PROM1: variants seen among roughly 807,000 people sequenced by gnomAD.
The protein encoded by PROM1 is prominin 1.
A neutral mutation model predicts 116.9 loss-of-function variants in PROM1; 105 were observed. The observed-to-expected ratio is 0.90, with a 90% CI of 0.77 to 1.06. The LOEUF (loss-of-function observed/expected upper bound fraction) is 1.06, where lower values mean the gene tolerates loss of function less well. Among genes scored for constraint, PROM1 ranks in the 50% least tolerant of loss-of-function variants. The pLI is 0.00. For synonymous variants in PROM1, 393 were observed against 387.0 expected (o/e 1.02, Z -0.18); for missense variants, 1,122 against 1,045.2 (o/e 1.07, Z -1.01).
intron 2 of PROM1, among the ~76,000 whole-genome samples, chr4:16,073,423 G>T (rs1743246550): frequency 6.6e-6 from 1 of 152,050 alleles, no homozygotes; most frequent in African/African-American, 2.4e-5. Context: ...GCCCCAAATG[G>T]AAAAATCATG....
rs1560384790 is a variant in PROM1 at position 15,978,998 on chromosome 4, GGAAGGAAGGAAA to G, written c.2582+385_2582+396del. 8.8e-3 allele frequency among the ~76,000 whole-genome samples: 1,234 copies of G among 140,526 alleles called. 18 individuals are homozygous for G. The highest frequency in any genetic ancestry group is 0.031 in the African/African-American group (1,121 of 36,322). The allele number at this position is 140,526 out of a possible 152,430, so 92.2% of individuals were successfully genotyped here. On this transcript the variant is annotated intron_variant, in intron 26 of 27. Transcript: ENST00000447510. ...TTATTGGAAGGAAGGAAAAAAGGAA[GGAAGGAAGGAAA>G]GAAGGAAGGAAGGAAGGAAGGAAAG...
chr4:16,074,546 T>C (rs537382434), intron 2 of PROM1, among the ~76,000 whole-genome samples: 1 of 152,146 alleles, frequency 6.6e-6, no homozygotes, highest in Non-Finnish European at 1.5e-5. Flanking sequence ...AACAGCAACA[T>C]AAACAGTAAG....
chr4:16,053,245 G>C (rs995166199), intron 2 of PROM1, among the ~76,000 whole-genome samples: 4 of 152,184 alleles, frequency 2.6e-5, no homozygotes, highest in Non-Finnish European at 4.4e-5. Context: ...ATGTTTTTCA[G>C]GTTTGAGGTT....
At chr4:16,054,051 G>A (rs572987702) in intron 2 of PROM1, among the ~76,000 whole-genome samples, 1 of 152,318 alleles carries the variant, frequency 6.6e-6, no homozygotes, top group Non-Finnish European at 1.5e-5. Flanking sequence ...CCAGGATTGT[G>A]CCACTGCACT....
intron 2 of PROM1, among the ~76,000 whole-genome samples, chr4:16,057,126 GCTCTTTAAAGAAA>G (rs1371757098): frequency 6.6e-6 from 1 of 152,190 alleles, no homozygotes; most frequent in African/African-American, 2.4e-5. Flanking sequence ...ATTTGGAATG[GCTCTTTAAAGAAA>G]CACAATTCCT....
intron 27 of PROM1, among the ~76,000 whole-genome samples, chr4:15,969,890 A>G (rs1239941750): frequency 3.3e-5 from 5 of 152,070 alleles, no homozygotes; most frequent in Non-Finnish European, 7.4e-5. Flanking sequence ...AAAAATTTTA[A>G]GTCCATAATA....
At chr4:15,984,901 G>C (rs374283790) in intron 22 of PROM1, among the ~76,000 whole-genome samples, 3 of 152,234 alleles carry the variant, frequency 2.0e-5, no homozygotes, top group East Asian at 1.9e-4. Flanking sequence ...CTCCACCCCC[G>C]GCCTGTGGAA....
intron 13 of PROM1, among the ~76,000 whole-genome samples, chr4:16,003,905 A>G (rs1724528075): frequency 6.6e-6 from 1 of 152,202 alleles, no homozygotes; most frequent in South Asian, 2.1e-4. Flanking sequence ...TTGGGAGGTA[A>G]GAATTCCTGC....
At chr4:16,022,123 A>AAGGGAAGG (rs1730062449) in intron 8 of PROM1, among the ~76,000 whole-genome samples, 2 of 147,262 alleles carry the variant, frequency 1.4e-5, no homozygotes, top group Admixed American at 6.7e-5. Flanking sequence ...AGGAGGGAAG[A>AAGGGAAGG]AGGGAAGGAG....
rs1717530316 is a variant in PROM1, at chr4:15,980,458, T to C, written c.2453A>G (p.Tyr818Cys). The C allele has an allele frequency of 1.3e-6, 2 of 1,556,286 alleles. No individual in the cohort carries two copies. The highest frequency in any genetic ancestry group is 1.7e-6 in the Non-Finnish European group (2 of 1,148,790). ...GTCCTCCGAATCCATTCGACGATAG[T>C]ACTTAGCCAGTTTTACCGCAAAAAT... ...ALIFAVKLAKYYRRMDSEDVY... is the reference protein window; with the variant it reads ...ALIFAVKLAKCYRRMDSEDVY... The change falls in exon 24 of 28, where the codon TAC (tyrosine) becomes TGC (cysteine). Residue 818 changes from tyrosine to cysteine, a missense_variant. Physicochemically the swap from Tyr to Cys is radical, Grantham distance 194 (BLOSUM62 -2). Transcript: ENST00000447510.
At position 16,075,783 on chromosome 4, in the gene PROM1, C is replaced by T. The variant is rs762631402; in HGVS notation, c.124G>A (p.Glu42Lys). 30 of 1,613,690 alleles carry T rather than the reference C, an allele frequency of 1.9e-5. No homozygotes were observed. The East Asian group carries it at 4.2e-4, about 23-fold the overall frequency. The change falls in exon 2 of 28, where the codon GAG becomes AAG. Residue 42 changes from glutamate (E) to lysine (K), a missense_variant. Coordinates refer to ENST00000447510, the MANE Select transcript of PROM1 (RefSeq NM_006017.3). ...CCAGCTTTATGGGAGTCTTGGGTCT[C>T]ATAATTTGTTGCAGGCAATTCATAA... ...WNYELPATNY[E>K]TQDSHKAGPI...
chr4:15,978,722 G>C (rs1716895490), intron 26 of PROM1, among the ~76,000 whole-genome samples: 1 of 152,210 alleles, frequency 6.6e-6, no homozygotes, highest in South Asian at 2.1e-4. Flanking sequence ...GAAGAGGACA[G>C]CCCACTGCTG....
At chr4:15,993,168 C>T (rs1319900927) in intron 16 of PROM1, among the ~76,000 whole-genome samples, 3 of 152,200 alleles carry the variant, frequency 2.0e-5, no homozygotes, top group Non-Finnish European at 4.4e-5. Context: ...AACCATCAAG[C>T]CATCATGGCC....
intron 2 of PROM1, among the ~76,000 whole-genome samples, chr4:16,054,779 T>C (rs1338254766): frequency 6.6e-6 from 1 of 152,164 alleles, no homozygotes; most frequent in South Asian, 2.1e-4. Context: ...CCTTTGTTCA[T>C]GCCCCCTCTG....
Position 16,018,378 on chromosome 4 carries a change from C to A in PROM1, c.947G>T (p.Cys316Phe), listed in dbSNP as rs1379559534. The change falls in exon 9 of 28, where the codon TGC (cysteine) becomes TTC (phenylalanine). Residue 316 changes from cysteine to phenylalanine, a missense_variant. Coordinates refer to ENST00000447510, the MANE Select transcript of PROM1 (RefSeq NM_006017.3). ...LCLVHPSSET[C>F]NSIRLSLSQL... ...GCTTAGAGACAATCTGATGCTGTTGCAGGTTTCACTTGATGGATGCACCAA... is the reference window on the plus strand; with the variant it reads ...GCTTAGAGACAATCTGATGCTGTTGAAGGTTTCACTTGATGGATGCACCAA... 1 of 1,613,658 alleles carries A rather than the reference C, an allele frequency of 6.2e-7. No individual in the cohort carries two copies. The highest frequency in any genetic ancestry group is 8.5e-7 in the Non-Finnish European group (1 of 1,179,904).
At chr4:15,983,282 G>C (rs1718427642) in intron 23 of PROM1, among the ~76,000 whole-genome samples, 1 of 152,156 alleles carries the variant, frequency 6.6e-6, no homozygotes, top group South Asian at 2.1e-4. Flanking sequence ...AATATTCATT[G>C]AGTGCTGATG....
intron 26 of PROM1, 186 bp from the exon 27 acceptor site, chr4:15,971,268 T>C (rs893070274): frequency 1.8e-6 from 1 of 555,136 alleles, no homozygotes; most frequent in African/African-American, 1.9e-5. Flanking sequence ...TTTGTATTGC[T>C]TTTAAAAACA....
At chr4:15,975,268 G>T (rs1715821793) in intron 26 of PROM1, among the ~76,000 whole-genome samples, 2 of 152,138 alleles carry the variant, frequency 1.3e-5, no homozygotes, top group South Asian at 4.1e-4. Flanking sequence ...CGTCCTGGAT[G>T]GAGTGCGGTG....
intron 5 of PROM1, among the ~76,000 whole-genome samples, chr4:16,031,732 T>C (rs1732739651): frequency 6.6e-6 from 1 of 152,102 alleles, no homozygotes; most frequent in Non-Finnish European, 1.5e-5. Context: ...ACAAAACAAG[T>C]AACTCTCAGG....
Sources: allele counts gnomAD v4.1 joint callset (sites outside exome capture counted in the v4.1 genomes callset), GRCh38; gene constraint gnomAD v4.1.1; transcripts MANE v1.5; gene names NCBI Gene and HGNC (gene_info 2026-07-23, HGNC 2026-07-21).